MROH2A: variants seen among roughly 807,000 people sequenced by gnomAD.
MROH2A encodes the protein maestro heat like repeat family member 2A, also known as maestro heat-like repeat-containing protein family member 2A.
A neutral mutation model predicts 200.4 loss-of-function variants in MROH2A; 174 were observed. That is an observed-to-expected ratio of 0.87 (90% CI 0.77 to 0.98). The LOEUF is 0.98. Ranked by LOEUF, MROH2A falls within the 50% of genes least tolerant of loss-of-function variation. MROH2A has a pLI of 0.00. For synonymous variants in MROH2A, 829 were observed against 840.4 expected, an observed-to-expected ratio of 0.99 and a Z score of 0.23; for missense variants, 2,045 against 2,139.6, an observed-to-expected ratio of 0.96 and a Z score of 0.87.
intron 38 of MROH2A, among the ~76,000 whole-genome samples, chr2:233,830,077 AT>A (rs2124926363): frequency 6.6e-6 from 1 of 152,212 alleles, no homozygotes; most frequent in South Asian, 2.1e-4. Context: ...CTTCTAGCAG[AT>A]TCTGTAACTG....
chr2:233,786,383 G>A (rs543534306), intron 3 of MROH2A, among the ~76,000 whole-genome samples: 41 of 152,288 alleles, frequency 2.7e-4, no homozygotes, highest in African/African-American at 8.4e-4. Context: ...GTCCTCACGT[G>A]GCTCTCCTGT....
In MROH2A at chr2:233,796,000, A is replaced by G. The variant is rs1702083102; in HGVS notation, c.1093A>G (p.Ser365Gly). 5.8e-6 allele frequency: 9 copies of G among 1,550,626 alleles called. No homozygotes were observed. Among genetic ancestry groups the G allele is most frequent in the Non-Finnish European group, 7.8e-6 (9 of 1,146,990 alleles). Reference protein sequence around the residue: ...CNKAPAQHQYSSQNLMEMVHC... With the variant: ...CNKAPAQHQYGSQNLMEMVHC... ...CAAGGCCCCGGCCCAGCATCAGTACAGCAGCCAGAATCTGATGGAGATGGT... is the reference window on the plus strand; with the variant it reads ...CAAGGCCCCGGCCCAGCATCAGTACGGCAGCCAGAATCTGATGGAGATGGT... Residue 365 changes from serine to glycine, a missense_variant, in exon 10 of 42, where the codon AGC becomes GGC. Physicochemically the swap from Ser to Gly is moderately conservative, Grantham distance 56. Coordinates refer to ENST00000389758, the MANE Select transcript of MROH2A (RefSeq NM_001394639.1).
Position 233,792,672 on chromosome 2 carries a change from G to C in MROH2A, c.572-124G>C, listed in dbSNP as rs76124230. 1.8e-3 allele frequency: 1,152 copies of C among 647,842 alleles called. 16 individuals are homozygous for C. In the African/African-American group the frequency reaches 0.018, roughly 10 times the overall value. 40.1% of individuals were successfully genotyped at this position (647,842 alleles called of 1,614,324 possible). On this transcript the variant is annotated intron_variant, in intron 5 of 41. Coordinates refer to ENST00000389758, the MANE Select transcript of MROH2A (RefSeq NM_001394639.1). ...TATTTCCTGGGCCCCAGCCAGGACA[G>C]AGGGCTAAGCCAGCTCTGGACTGTT... is the stretch of plus-strand genomic sequence containing the variant.
chr2:233,822,646 G>A, intron 33 of MROH2A, 90 bp downstream of exon 33: 1 of 1,351,504 alleles, frequency 7.4e-7, no homozygotes, highest in Non-Finnish European at 1.0e-6. Context: ...CTCCAGTGAG[G>A]GGCCCTCTGT....
At position 233,820,946 on chromosome 2, in the gene MROH2A, A is replaced by G. The variant is rs1343757124; in HGVS notation, c.3512+890A>G. 1.3e-5 allele frequency among the ~76,000 whole-genome samples: 2 copies of G among 152,146 alleles called. No homozygotes were observed. Among genetic ancestry groups the G allele is most frequent in the African/African-American group, 4.8e-5 (2 of 41,436 alleles). On this transcript the variant is annotated intron_variant, in intron 31 of 41. Transcript: ENST00000389758. This position sits in a 1 kb window ranked among gnomAD's most constrained non-coding sequence, Gnocchi z 4.1. ...ATGATTTAATGAGGCTCAGTGGCTCATGAGGCAGTGCTGGGTGGGGGTAAG... is the reference window on the plus strand; with the variant it reads ...ATGATTTAATGAGGCTCAGTGGCTCGTGAGGCAGTGCTGGGTGGGGGTAAG...
chr2:233,794,458 G>T lies in MROH2A; in HGVS notation c.918G>T (p.Leu306=), dbSNP rs1456272155. The part of the protein sequence containing the change: ...LREQVYDYIP[L]LLAEYQGSLE... ...AGCAGGTCTACGACTACATCCCCCT[G>T]CTGCTGGCGGAGTACCAGGGCAGTC... The change falls in exon 8 of 42, where the codon CTG becomes CTT. Residue 306 remains leucine (L), a synonymous_variant. Coordinates refer to ENST00000389758, the MANE Select transcript of MROH2A (RefSeq NM_001394639.1). 1.9e-6 allele frequency: 3 copies of T among 1,550,460 alleles called. No homozygotes were observed. The highest frequency in any genetic ancestry group is 1.4e-5 in the African/African-American group (1 of 73,160).
Position 233,809,121 on chromosome 2 carries a change from C to G in MROH2A, c.2296-5C>G, listed in dbSNP as rs747781462. 1 of 1,545,780 alleles carries G rather than the reference C, an allele frequency of 6.5e-7. No homozygotes were observed. The highest frequency in any genetic ancestry group is 1.2e-5 in the South Asian group (1 of 83,950). On this transcript the variant is annotated splice_polypyrimidine_tract_variant and splice_region_variant and intron_variant, in intron 21 of 41. Coordinates refer to ENST00000389758, the MANE Select transcript of MROH2A (RefSeq NM_001394639.1). ...CAGTGGTTCTTTTTCTCTTTGGCCT[C>G]GTAGAAGGACCATCCCTGGAGGCGG...
Position 233,793,692 on chromosome 2 carries a change from G to A in MROH2A, c.690G>A (p.Glu230=), listed in dbSNP as rs1575928759. The change falls in exon 7 of 42, where the codon GAG becomes GAA. Residue 230 remains glutamate, a synonymous_variant. Transcript: ENST00000389758. The part of the protein sequence containing the change: ...AICSAMETFC[E]TVQFYLKHLE... ...TGGTAGCCATGGAGACCTTCTGTGAGACGGTGCAGTTTTATCTGAAGCACC... is the reference window on the plus strand; with the variant it reads ...TGGTAGCCATGGAGACCTTCTGTGAAACGGTGCAGTTTTATCTGAAGCACC... 1 of 1,432,510 alleles carries A rather than the reference G, an allele frequency of 7.0e-7. No homozygotes were observed. Among genetic ancestry groups the A allele is most frequent in the East Asian group, 2.9e-5 (1 of 34,828 alleles). 88.7% of individuals were successfully genotyped at this position (1,432,510 alleles called of 1,614,324 possible).
intron 26 of MROH2A, among the ~76,000 whole-genome samples, chr2:233,815,317 T>G (rs981959542): frequency 2.0e-5 from 3 of 152,256 alleles, no homozygotes; most frequent in African/African-American, 7.2e-5. Flanking sequence ...ATACAACCCA[T>G]CAGATATGTG....
chr2:233,822,556 G>A lies in MROH2A; in HGVS notation c.3866G>A (p.Arg1289Lys), dbSNP rs1271471822. Residue 1289 changes from arginine to lysine, a missense_variant and splice_region_variant, in exon 33 of 42, where the codon AGG becomes AAG. Coordinates refer to ENST00000389758, the MANE Select transcript of MROH2A (RefSeq NM_001394639.1). Reference protein sequence around the residue: ...TPLPEEMNLQRVTIKSMQLLF... With the variant: ...TPLPEEMNLQKVTIKSMQLLF... ...CTGCCGGAGGAGATGAACCTGCAAA[G>A]GTGCTCTCGAGGGCGGTGGGTGCAA... The A allele has an allele frequency of 2.6e-6, 4 of 1,548,802 alleles. No homozygotes were observed. The Admixed American group carries it at 7.8e-5, about 30-fold the overall frequency.
In MROH2A at chr2:233,807,557, A is replaced by C. The variant is rs1429470738; in HGVS notation, c.2172+15A>C. The C allele has an allele frequency of 1.3e-6, 2 of 1,550,094 alleles. No homozygotes were observed. Among genetic ancestry groups the C allele is most frequent in the Admixed American group, 3.9e-5 (2 of 50,996 alleles). ...TTGACAGCGAGGTGAGGGTGCCTGC[A>C]GCCTCCTCCTGTCCACCAGATGCCT... On this transcript the variant is annotated intron_variant, in intron 20 of 41. Transcript: ENST00000389758. The surrounding 1 kb of genome is among the most constrained non-coding windows in gnomAD (Gnocchi z 4.3).
At position 233,799,905 on chromosome 2, in the gene MROH2A, TG is replaced by T; in HGVS notation, c.1449+8del. 1.3e-6 allele frequency: 2 copies of T among 1,550,264 alleles called. No individual in the cohort carries two copies. Among genetic ancestry groups the T allele is most frequent in the Non-Finnish European group, 1.7e-6 (2 of 1,146,870 alleles). ...CCTTATCCACCTACAAACTGGTGAGTGGCCCTGATACGCAGACCGCAGAGCA... is the reference window on the plus strand; with the variant it reads ...CCTTATCCACCTACAAACTGGTGAGTGCCCTGATACGCAGACCGCAGAGCA... On this transcript the variant is annotated splice_region_variant and intron_variant, in intron 13 of 41. Transcript: ENST00000389758.
rs1701869392 is a variant in MROH2A, at chr2:233,792,842, C to T, written c.618C>T (p.Phe206=). Residue 206 remains phenylalanine, a synonymous_variant, in exon 6 of 42, where the codon TTC becomes TTT. Transcript: ENST00000389758. ...TGGGCATCACCCTGGCTACCATATTCACCATGCTGAGACTTGCCAATGAAG... is the reference window on the plus strand; with the variant it reads ...TGGGCATCACCCTGGCTACCATATTTACCATGCTGAGACTTGCCAATGAAG... ...PYMGITLATI[F]TMLRLANEAK... 6.4e-7 allele frequency: 1 copy of T among 1,550,442 alleles called. No individual in the cohort carries two copies. The highest frequency in any genetic ancestry group is 1.4e-5 in the African/African-American group (1 of 73,046).
At chr2:233,786,589 T>A (rs1171849546) in intron 3 of MROH2A, among the ~76,000 whole-genome samples, 1 of 152,240 alleles carries the variant, frequency 6.6e-6, no homozygotes, top group Admixed American at 6.5e-5. Context: ...ATTCAATCTG[T>A]AACAGTTGTT....
intron 3 of MROH2A, among the ~76,000 whole-genome samples, chr2:233,781,306 C>T (rs924256267): frequency 2.0e-5 from 3 of 152,048 alleles, no homozygotes; most frequent in Non-Finnish European, 4.4e-5. Context: ...TTTTGAGAAA[C>T]CTCCATAGAG....
Position 233,807,484 on chromosome 2 carries a change from A to G in MROH2A, c.2114A>G (p.Glu705Gly), listed in dbSNP as rs1702875819. ...ACAGGCCTGGAGGCCAGCAAGGTGG[A>G]GGTCCTGCTGTTGGAGCTGCTGTAC... is the stretch of plus-strand genomic sequence containing the variant. ...LATGLEASKVEVLLLELLYKT... is the reference protein window; with the variant it reads ...LATGLEASKVGVLLLELLYKT... The change falls in exon 20 of 42, where the codon GAG becomes GGG. Residue 705 changes from glutamate to glycine, a missense_variant. This residue lies in a region of MROH2A where 1,201 missense variants were observed against 1,311.3 expected (regional missense o/e 0.92). Transcript: ENST00000389758. The surrounding 1 kb of genome is among the most constrained non-coding windows in gnomAD (Gnocchi z 4.3). 1 of 1,550,518 alleles carries G rather than the reference A, an allele frequency of 6.4e-7. No individual in the cohort carries two copies. The highest frequency in any genetic ancestry group is 2.0e-5 in the Admixed American group (1 of 50,988).
intron 3 of MROH2A, among the ~76,000 whole-genome samples, chr2:233,788,382 T>C (rs1316867570): frequency 1.3e-5 from 2 of 150,960 alleles, no homozygotes; most frequent in African/African-American, 2.4e-5. Context: ...GGAGCTGTCA[T>C]AGGGATTTCT....
At chr2:233,799,971 A>G (rs1304283107) in intron 13 of MROH2A, 72 bp downstream of exon 13, 3 of 1,536,978 alleles carry the variant, frequency 2.0e-6, no homozygotes, top group Admixed American at 2.0e-5. Context: ...TGAGGGGAGA[A>G]TGCCACTCAG....
At position 233,828,626 on chromosome 2, in the gene MROH2A, C is replaced by G. The variant is rs1348000764; in HGVS notation, c.4114-4C>G. 6.4e-7 allele frequency: 1 copy of G among 1,550,496 alleles called. No homozygotes were observed. Among genetic ancestry groups the G allele is most frequent in the South Asian group, 1.2e-5 (1 of 84,038 alleles). ...GGATAACTGCCCAATGTCCTCCCTT[C>G]CAGTTCATGAGCGGCCCAGTTCTGT... On this transcript the variant is annotated splice_region_variant and splice_polypyrimidine_tract_variant and intron_variant, in intron 35 of 41. Coordinates refer to ENST00000389758, the MANE Select transcript of MROH2A (RefSeq NM_001394639.1). The surrounding 1 kb of genome is among the most constrained non-coding windows in gnomAD (Gnocchi z 4.6).
Sources: allele counts gnomAD v4.1 joint callset (sites outside exome capture counted in the v4.1 genomes callset), GRCh38; gene constraint gnomAD v4.1.1; regional missense constraint gnomAD v4.1.1; non-coding constraint Gnocchi (gnomAD v3.1); transcripts MANE v1.5; gene names NCBI Gene and HGNC (gene_info 2026-07-23, HGNC 2026-07-21).